The following BUB1 variants were observed in gnomAD, a reference collection of about 807,000 sequenced individuals.
BUB1 encodes the protein mitotic checkpoint serine/threonine-protein kinase BUB1.
In BUB1, 84 loss-of-function variants were observed where a neutral mutation model predicts 135.2. The ratio of observed to expected loss-of-function variants is 0.62; its 90% CI spans 0.52 to 0.74. The LOEUF is 0.74. Ranked by LOEUF, BUB1 falls within the 30% of genes least tolerant of loss-of-function variation. The pLI is 0.00. For synonymous variants in BUB1, 403 were observed against 434.4 expected (o/e 0.93, Z 0.90); for missense variants, 1,162 against 1,288.3 (o/e 0.90, Z 1.50).
chr2:110,641,237 T>C (rs1319188763), intron 22 of BUB1, 32 bp from the exon 23 acceptor site: 3 of 1,585,240 alleles, frequency 1.9e-6, no homozygotes, highest in African/African-American at 1.4e-5. Flanking sequence ...CCAGGCTGCA[T>C]GAGCACAAAT....
intron 1 of BUB1, among the ~76,000 whole-genome samples, chr2:110,676,079 T>C (rs1690573974): frequency 6.6e-6 from 1 of 151,894 alleles, no homozygotes; most frequent in South Asian, 2.1e-4. Flanking sequence ...TAAAAACTTC[T>C]CCATGGCAAA....
At chr2:110,645,208 C>T (rs1337449249) in intron 19 of BUB1, among the ~76,000 whole-genome samples, 3 of 151,868 alleles carry the variant, frequency 2.0e-5, no homozygotes, top group Admixed American at 6.6e-5. Context: ...CCAAGGAAGG[C>T]GGATCACCTG....
rs1423920804 is a variant in BUB1 at position 110,637,779 on chromosome 2, T to C, written c.*185A>G. On this transcript the variant is annotated 3_prime_UTR_variant, in exon 25 of 25. Coordinates refer to ENST00000302759, the MANE Select transcript of BUB1 (RefSeq NM_004336.5). ...CAGAAGCAGCCCAATCAGCCTGCTA[T>C]ATAGGGACCTTATGGGGTTGTATAT... 4.6e-6 allele frequency: 2 copies of C among 434,648 alleles called. No individual in the cohort carries two copies. Among genetic ancestry groups the C allele is most frequent in the Non-Finnish European group, 7.8e-6 (2 of 256,728 alleles). The allele number at this position is 434,648 out of a possible 1,614,324, so 26.9% of individuals were successfully genotyped here.
At position 110,641,314 on chromosome 2, in the gene BUB1, C is replaced by G. The variant is rs1485771644; in HGVS notation, c.2776G>C (p.Gly926Arg). The G allele has an allele frequency of 3.7e-6, 6 of 1,605,446 alleles. No individual in the cohort carries two copies. Among genetic ancestry groups the G allele is most frequent in the Admixed American group, 1.7e-5 (1 of 58,760 alleles). The part of the protein sequence containing the change: ...GDIKPDNFIL[G>R]NGFLEQDDED... Reference sequence around the variant, plus strand: ...TAAAAGCATAACACTTGCCCGTTTCCAAGTATGAAATTGTCTGGTTTAATG... The same window carrying G: ...TAAAAGCATAACACTTGCCCGTTTCGAAGTATGAAATTGTCTGGTTTAATG... The change falls in exon 22 of 25, where the codon GGA becomes CGA. Residue 926 changes from glycine (G) to arginine (R), a missense_variant. Physicochemically the swap from Gly to Arg is moderately radical, Grantham distance 125. Coordinates refer to ENST00000302759, the MANE Select transcript of BUB1 (RefSeq NM_004336.5).
intron 22 of BUB1, 40 bp from the exon 23 acceptor site, chr2:110,641,245 AATG>A: frequency 1.3e-6 from 2 of 1,586,502 alleles, no homozygotes; most frequent in Non-Finnish European, 1.7e-6. Context: ...CATGAGCACA[AATG>A]ATGAAAGGCT....
intron 5 of BUB1, among the ~76,000 whole-genome samples, chr2:110,669,815 T>C (rs553576246): frequency 5.3e-5 from 8 of 152,330 alleles, no homozygotes; most frequent in African/African-American, 1.9e-4. Flanking sequence ...GGATAGGCAA[T>C]GCTTATTGCT....
At chr2:110,670,633 A>C in intron 4 of BUB1, 65 bp from the exon 5 acceptor site, 1 of 1,497,746 alleles carries the variant, frequency 6.7e-7, no homozygotes. Context: ...TGTTAGAGTG[A>C]AAACTAAATA....
At chr2:110,645,247 A>G (rs1237075767) in intron 19 of BUB1, among the ~76,000 whole-genome samples, 1 of 152,062 alleles carries the variant, frequency 6.6e-6, no homozygotes, top group East Asian at 1.9e-4. Flanking sequence ...CAGCCTGACC[A>G]ATATGGTGAA....
At chr2:110,650,217 T>C (rs1412183069) in intron 18 of BUB1, among the ~76,000 whole-genome samples, 1 of 136,530 alleles carries the variant, frequency 7.3e-6, no homozygotes, top group Non-Finnish European at 1.6e-5. Context: ...CGGGGGGGGG[T>C]GTCTCTTTAA....
chr2:110,641,234 G>A (rs1233659682), intron 22 of BUB1, 29 bp from the exon 23 acceptor site: 1 of 1,587,276 alleles, frequency 6.3e-7, no homozygotes, highest in Admixed American at 1.8e-5. Context: ...AAGCCAGGCT[G>A]CATGAGCACA....
intron 23 of BUB1, among the ~76,000 whole-genome samples, chr2:110,640,785 C>T (rs1322805488): frequency 6.6e-6 from 1 of 152,170 alleles, no homozygotes; most frequent in Non-Finnish European, 1.5e-5. Context: ...ATACTCTTCC[C>T]TATGATCAAA....
intron 3 of BUB1, 109 bp from the exon 4 acceptor site, chr2:110,672,966 G>A: frequency 8.8e-7 from 1 of 1,134,276 alleles, no homozygotes; most frequent in Non-Finnish European, 1.2e-6. Flanking sequence ...TCGGATGGGA[G>A]CTGGTCATCA....
At chr2:110,662,509 C>T (rs1690126214) in intron 9 of BUB1, among the ~76,000 whole-genome samples, 1 of 152,166 alleles carries the variant, frequency 6.6e-6, no homozygotes, top group Non-Finnish European at 1.5e-5. Context: ...TTAAGAAAAA[C>T]ACCAGCCAGG....
chr2:110,676,677 T>C (rs1690597014), intron 1 of BUB1: 1 of 152,190 alleles, frequency 6.6e-6, no homozygotes, highest in Non-Finnish European at 1.5e-5. Context: ...TCTCCAGGGA[T>C]ATTGTTAGGC....
At chr2:110,650,955 C>T (rs1015883946) in intron 17 of BUB1, among the ~76,000 whole-genome samples, 171 bp from the exon 18 acceptor site, 1 of 151,918 alleles carries the variant, frequency 6.6e-6, no homozygotes. Flanking sequence ...AAATATACAG[C>T]TAGTACAATA....
intron 7 of BUB1, 42 bp downstream of exon 7, chr2:110,667,755 T>C (rs756924908): frequency 3.7e-6 from 6 of 1,609,778 alleles, no homozygotes; most frequent in Admixed American, 1.7e-5. Flanking sequence ...TAAGAGCACT[T>C]AAAGGAAACT....
chr2:110,649,937 T>C (rs368981331), intron 18 of BUB1, among the ~76,000 whole-genome samples: 8 of 152,158 alleles, frequency 5.3e-5, no homozygotes, highest in African/African-American at 1.9e-4. Context: ...TAATCCAACA[T>C]GGTTAACACT....
Position 110,637,585 on chromosome 2 carries a change from A to AGTGTGTGT in BUB1, c.*371_*378dup, listed in dbSNP as rs5833370. The AGTGTGTGT allele has an allele frequency of 0.1, 15,026 of 147,508 alleles. 829 individuals are homozygous for AGTGTGTGT. The highest frequency in any genetic ancestry group is 0.12 in the African/African-American group (4,729 of 39,774). The allele number at this position is 147,508 out of a possible 1,614,324, so 9.1% of individuals were successfully genotyped here. A position where few individuals can be genotyped will look rare whatever the true frequency, so the allele number is the denominator to read the frequency against. ...TGAAGTCCCTTGGAAATGTTAGGGA[A>AGTGTGTGT]GTGTGTGTGTGTGTGTGTGTGTGTG... On this transcript the variant is annotated 3_prime_UTR_variant, in exon 25 of 25. Transcript: ENST00000302759.
At chr2:110,657,417 CT>C in intron 14 of BUB1, 128 bp downstream of exon 14, 2 of 677,800 alleles carry the variant, frequency 3.0e-6, no homozygotes, top group Non-Finnish European at 4.7e-6. Flanking sequence ...CAACACCCCC[CT>C]GGTTGTGTGG....
Sources: gnomAD v4.1 joint callset for allele counts (sites outside exome capture counted in the v4.1 genomes callset) on GRCh38, gnomAD v4.1.1 for gene constraint, MANE v1.5 for transcripts, NCBI Gene and HGNC (gene_info 2026-07-23, HGNC 2026-07-21) for gene names.